Variants in STK3 observed in about 807,000 individuals in gnomAD.
STK3 encodes serine/threonine kinase 3.
In STK3, 41 loss-of-function variants were observed where a neutral mutation model predicts 58.0. That is an observed-to-expected ratio of 0.71 (90% CI 0.55 to 0.92). STK3 has a LOEUF of 0.92. Ranked by LOEUF, STK3 falls within the 40% of genes least tolerant of loss-of-function variation. STK3 has a pLI of 0.00. For missense variants in STK3, 479 were observed against 602.7 expected (o/e 0.79, Z 2.15); for synonymous variants, 170 against 191.0 (o/e 0.89, Z 0.91).
At chr8:98,487,088 T>C (rs1822328878) in intron 10 of STK3, among the ~76,000 whole-genome samples, 2 of 152,336 alleles carry the variant, frequency 1.3e-5, no homozygotes, top group Admixed American at 1.3e-4. Context: ...AAATATTTAT[T>C]GAATAGTTAC....
intron 1 of STK3, among the ~76,000 whole-genome samples, chr8:98,805,891 T>G (rs946967164): frequency 6.6e-6 from 1 of 152,006 alleles, no homozygotes; most frequent in Non-Finnish European, 1.5e-5. Flanking sequence ...CAATCAAAAA[T>G]TTTCTCTGGG....
In STK3 at chr8:98,468,568, T is replaced by C. The variant is rs371961683; in HGVS notation, c.1318-12568A>G. ...GAATGAAACTGAGATTCTATTGTTT[T>C]TTCATTAATATTTGTTTTAAAATAT... On this transcript the variant is annotated intron_variant, in intron 10 of 10. Transcript: ENST00000419617. 1.1e-4 allele frequency among the ~76,000 whole-genome samples: 16 copies of C among 152,374 alleles called. No individual in the cohort carries two copies. In the South Asian group the frequency reaches 3.3e-3, roughly 32 times the overall value.
chr8:98,837,962 C>T (rs988348101), intron 3 of STK3, among the ~76,000 whole-genome samples: 8 of 151,662 alleles, frequency 5.3e-5, no homozygotes, highest in African/African-American at 1.7e-4. Context: ...GGTGTGGTGG[C>T]TCACACCTAT....
intron 6 of STK3, among the ~76,000 whole-genome samples, chr8:98,696,211 C>G (rs1050203161): frequency 1.2e-4 from 19 of 152,168 alleles, no homozygotes; most frequent in Non-Finnish European, 2.5e-4. Context: ...GATTTTGTAT[C>G]CTGAGACTTT....
intron 1 of STK3, among the ~76,000 whole-genome samples, chr8:98,918,864 G>T (rs1307634426): frequency 6.6e-6 from 1 of 151,936 alleles, no homozygotes; most frequent in Non-Finnish European, 1.5e-5. Context: ...CCTCAGCAGA[G>T]AATTTGACAA....
At chr8:98,846,087 A>G (rs1294791170) in intron 3 of STK3, among the ~76,000 whole-genome samples, 4 of 152,232 alleles carry the variant, frequency 2.6e-5, no homozygotes, top group South Asian at 4.1e-4. Context: ...TAGCCACCTC[A>G]TAGGACCCAT....
intron 6 of STK3, among the ~76,000 whole-genome samples, chr8:98,614,340 A>G (rs1175352530): frequency 1.3e-5 from 2 of 152,202 alleles, no homozygotes; most frequent in Non-Finnish European, 2.9e-5. Flanking sequence ...AGCACAATGG[A>G]ATCACATTAG....
the STK3 span, among the ~76,000 whole-genome samples, chr8:98,351,321 G>A: frequency 1.3e-5 from 2 of 152,296 alleles, no homozygotes; most frequent in South Asian, 4.1e-4. Context: ...TCCATGTCCT[G>A]ACAATGGAGA....
At chr8:98,743,607 C>T (rs1244822975) in intron 4 of STK3, among the ~76,000 whole-genome samples, 26 of 152,226 alleles carry the variant, frequency 1.7e-4, no homozygotes, top group East Asian at 7.7e-4. Context: ...AAGACTTAAA[C>T]GTTAGACCTA....
chr8:98,369,787 C>T (rs919628466), downstream of STK3, among the ~76,000 whole-genome samples: 1 of 152,154 alleles, frequency 6.6e-6, no homozygotes, highest in Non-Finnish European at 1.5e-5. Context: ...ACTGATGACA[C>T]CACCCATGCA....
intron 1 of STK3, among the ~76,000 whole-genome samples, chr8:98,815,639 T>A (rs933685757): frequency 1.2e-4 from 18 of 152,160 alleles, no homozygotes; most frequent in African/African-American, 4.3e-4. Context: ...ATCCATCAAG[T>A]ATGTTTAAAT....
intron 10 of STK3, among the ~76,000 whole-genome samples, chr8:98,522,948 T>C (rs1044289919): frequency 1.6e-4 from 25 of 152,222 alleles, no homozygotes; most frequent in Non-Finnish European, 2.9e-4. Flanking sequence ...CATCCATCAA[T>C]GGACACTTGG....
intron 4 of STK3, chr8:98,721,055 T>C (rs1827381047): frequency 2.1e-6 from 2 of 975,506 alleles, no homozygotes; most frequent in East Asian, 1.1e-4. Flanking sequence ...TAATGAATTG[T>C]AGAAGTAAGC....
At chr8:98,753,928 C>A (rs1022098264) in intron 3 of STK3, among the ~76,000 whole-genome samples, 1 of 152,154 alleles carries the variant, frequency 6.6e-6, no homozygotes, top group Non-Finnish European at 1.5e-5. Flanking sequence ...TGACAAGGTA[C>A]CTTACTTTAA....
At chr8:98,887,334 T>G (rs1838028557) in intron 1 of STK3, among the ~76,000 whole-genome samples, 1 of 152,164 alleles carries the variant, frequency 6.6e-6, no homozygotes, top group South Asian at 2.1e-4. Context: ...TCAGATTTTT[T>G]GATTAGGGAT....
In STK3 at chr8:98,865,688, G is replaced by A. The variant is rs151192353; in HGVS notation, c.110+17959C>T. Among the ~76,000 whole-genome samples the A allele has an allele frequency of 2.9e-3, 443 of 152,290 alleles. 6 individuals are homozygous for A. Among genetic ancestry groups the A allele is most frequent in the Non-Finnish European group, 6.2e-4 (42 of 68,034 alleles). ...TTAAAGCACAGGTCATTTCTCAGGG[G>A]TACTCTCTAATAAAGTTATACGACG... On this transcript the variant is annotated intron_variant, in intron 3 of 12. Coordinates refer to the STK3 transcript ENST00000523601.
intron 1 of STK3, among the ~76,000 whole-genome samples, chr8:98,443,858 A>C (rs188066021): frequency 8.5e-4 from 129 of 152,340 alleles, no homozygotes; most frequent in South Asian, 2.9e-3. Flanking sequence ...TAATTCCACA[A>C]TAGTTGAAGA....
chr8:98,369,462 G>A (rs374745362), downstream of STK3, among the ~76,000 whole-genome samples: 209 of 152,270 alleles, frequency 1.4e-3, 1 homozygote, highest in African/African-American at 4.5e-3. Flanking sequence ...CAGGGGAGGT[G>A]AGTGTGAAGG....
chr8:98,558,446 T>C (rs916934498), intron 8 of STK3, among the ~76,000 whole-genome samples: 5 of 152,104 alleles, frequency 3.3e-5, no homozygotes, highest in South Asian at 2.1e-4. Context: ...GGACAACAAA[T>C]GTCTTTCACA....
Sources: allele counts gnomAD v4.1 joint callset (sites outside exome capture counted in the v4.1 genomes callset), GRCh38; gene constraint gnomAD v4.1.1; transcripts MANE v1.5; gene names NCBI Gene and HGNC (gene_info 2026-07-23, HGNC 2026-07-21).